ELP3: variants seen among roughly 807,000 people sequenced by gnomAD.
The protein encoded by ELP3 is elongator acetyltransferase complex subunit 3.
Under a neutral mutation model 74.9 loss-of-function variants are expected in ELP3, and 56 were observed. The observed-to-expected ratio is 0.75, with a 90% CI of 0.60 to 0.93. The LOEUF is 0.93. Ranked by LOEUF, ELP3 falls within the 40% of genes least tolerant of loss-of-function variation. The pLI is 0.00. For missense variants in ELP3, 573 were observed against 686.5 expected (o/e 0.83, Z 1.85); for synonymous variants, 222 against 239.8 (o/e 0.93, Z 0.68).
chr8:28,162,108 C>T (rs1278999224), intron 14 of ELP3, 30 bp downstream of exon 14: 1 of 1,608,474 alleles, frequency 6.2e-7, no homozygotes, highest in South Asian at 1.1e-5. Context: ...GTTCATGATT[C>T]CTTCCCATTT....
At position 28,163,744 on chromosome 8, in the gene ELP3, T is replaced by C. The variant is rs74969222; in HGVS notation, c.1567+1666T>C. Among the ~76,000 whole-genome samples the C allele has an allele frequency of 4.2e-4, 64 of 152,100 alleles. 2 individuals are homozygous for C. In the East Asian group the frequency reaches 0.01, roughly 24 times the overall value. Reference sequence around the variant, plus strand: ...CCTCTGCACATGTGTCTGTGTAGAGTTGATAACACCTGAAATTTCCATGGC... The same window carrying C: ...CCTCTGCACATGTGTCTGTGTAGAGCTGATAACACCTGAAATTTCCATGGC... On this transcript the variant is annotated intron_variant, in intron 14 of 14. Coordinates refer to ENST00000256398, the MANE Select transcript of ELP3 (RefSeq NM_018091.6).
chr8:28,094,152 T>G (rs1811159434), intron 1 of ELP3, among the ~76,000 whole-genome samples: 1 of 152,260 alleles, frequency 6.6e-6, no homozygotes, highest in African/African-American at 2.4e-5. Flanking sequence ...ATTAATTTGT[T>G]ATCTCACTCT....
chr8:28,112,085 C>G (rs1213895636), intron 6 of ELP3, among the ~76,000 whole-genome samples: 1 of 151,854 alleles, frequency 6.6e-6, no homozygotes. Context: ...TTATTGTAGT[C>G]AACAAAATGA....
chr8:28,138,380 C>T (rs1199662725), intron 10 of ELP3, among the ~76,000 whole-genome samples: 3 of 152,166 alleles, frequency 2.0e-5, no homozygotes, highest in Non-Finnish European at 4.4e-5. Context: ...GAACTGCTTT[C>T]TTCCTAGAAA....
intron 10 of ELP3, 142 bp downstream of exon 10, chr8:28,138,033 G>A (rs1813063548): frequency 2.5e-6 from 2 of 790,150 alleles, no homozygotes; most frequent in African/African-American, 1.8e-5. Flanking sequence ...TGTAAATAGG[G>A]AGGGATGGAA....
At chr8:28,152,975 A>G (rs1161111169) in intron 10 of ELP3, among the ~76,000 whole-genome samples, 1 of 152,202 alleles carries the variant, frequency 6.6e-6, no homozygotes, top group Admixed American at 6.5e-5. Context: ...TATTTGTTGA[A>G]AAGACTATTA....
intron 14 of ELP3, among the ~76,000 whole-genome samples, chr8:28,165,196 A>G (rs1814260009): frequency 6.6e-6 from 1 of 151,868 alleles, no homozygotes; most frequent in Non-Finnish European, 1.5e-5. Flanking sequence ...TACAGTTCTG[A>G]CTCTAGAATT....
chr8:28,174,268 G>T (rs1270156250), intron 14 of ELP3, among the ~76,000 whole-genome samples: 4 of 151,884 alleles, frequency 2.6e-5, no homozygotes, highest in African/African-American at 4.8e-5. Flanking sequence ...CATATATTTT[G>T]GGGCTCTGTT....
At chr8:28,129,916 C>T (rs1456593754) in intron 8 of ELP3, among the ~76,000 whole-genome samples, 1 of 152,174 alleles carries the variant, frequency 6.6e-6, no homozygotes, top group Admixed American at 6.5e-5. Flanking sequence ...TTGTCCTAAG[C>T]AGCCTTGTCC....
intron 10 of ELP3, among the ~76,000 whole-genome samples, chr8:28,140,035 T>C (rs572815474): frequency 7.2e-5 from 11 of 152,206 alleles, no homozygotes; most frequent in Middle Eastern, 3.4e-3. Context: ...ATGAGGGACT[T>C]GAGCATCCAT....
intron 14 of ELP3, among the ~76,000 whole-genome samples, chr8:28,188,478 G>T (rs1815329581): frequency 6.6e-6 from 1 of 152,096 alleles, no homozygotes; most frequent in Non-Finnish European, 1.5e-5. Flanking sequence ...CCTCCTCCGG[G>T]GAGGGAAGGG....
At chr8:28,128,547 G>T (rs960292641) in intron 7 of ELP3, among the ~76,000 whole-genome samples, 1 of 152,170 alleles carries the variant, frequency 6.6e-6, no homozygotes, top group African/African-American at 2.4e-5. Context: ...TCTAAGCAGT[G>T]TGGTAACTGG....
intron 7 of ELP3, among the ~76,000 whole-genome samples, chr8:28,128,382 A>G (rs2130452578): frequency 6.6e-6 from 1 of 152,298 alleles, no homozygotes; most frequent in Non-Finnish European, 1.5e-5. Flanking sequence ...AGGCTGAAGC[A>G]CAAGAAATGC....
At chr8:28,090,478 G>T (rs1250685065), upstream of ELP3, 1 of 227,202 alleles carries the variant, frequency 4.4e-6, no homozygotes, top group Non-Finnish European at 8.5e-6. Flanking sequence ...TAGTCTGATG[G>T]GTGGGTGTGT....
intron 10 of ELP3, among the ~76,000 whole-genome samples, chr8:28,153,037 C>T (rs9644138): frequency 0.42 from 63,107 of 151,848 alleles, 14,915 homozygotes; most frequent in East Asian, 0.65. Context: ...TGTGTAGGTC[C>T]TACATCCTAC....
chr8:28,170,950 T>C (rs1009322376), intron 14 of ELP3, among the ~76,000 whole-genome samples: 1 of 152,218 alleles, frequency 6.6e-6, no homozygotes, highest in Non-Finnish European at 1.5e-5. Flanking sequence ...ATCTGTTCTT[T>C]TATGTCTGGG....
In ELP3 at chr8:28,158,623, G is replaced by A. The variant is rs773281207; in HGVS notation, c.1247G>A (p.Arg416Gln). 9 of 1,609,310 alleles carry A rather than the reference G, an allele frequency of 5.6e-6. No individual in the cohort carries two copies. The highest frequency in any genetic ancestry group is 1.1e-5 in the South Asian group (1 of 91,014). ...VGIQEIHHKV[R>Q]PYQVELVRRD... ...ATCCAAGAAATTCATCACAAAGTAC[G>A]GCCATACCAGGTTAGTCTCTTCATG... The change falls in exon 12 of 15, where the codon CGG becomes CAG. Residue 416 changes from arginine to glutamine, a missense_variant. Transcript: ENST00000256398.
At chr8:28,183,069 T>C (rs898222806) in intron 14 of ELP3, 1 of 452,614 alleles carries the variant, frequency 2.2e-6, no homozygotes, top group African/African-American at 2.0e-5. Context: ...CTGCCTTTAA[T>C]GTAACCCCTT....
chr8:28,183,292 C>T (rs556320483), intron 14 of ELP3: 5 of 452,936 alleles, frequency 1.1e-5, no homozygotes, highest in Non-Finnish European at 2.2e-5. Context: ...AACTCATCAT[C>T]ATTGCTGGTT....
Sources: allele counts gnomAD v4.1 joint callset (sites outside exome capture counted in the v4.1 genomes callset), GRCh38; gene constraint gnomAD v4.1.1; transcripts MANE v1.5; gene names NCBI Gene and HGNC (gene_info 2026-07-23, HGNC 2026-07-21).